Variants in TINF2 observed in about 807,000 individuals in gnomAD.
TINF2 encodes the protein TERF1-interacting nuclear factor 2.
TINF2 carries 27 observed loss-of-function variants against 50.4 expected under a neutral mutation model. That is an observed-to-expected ratio of 0.54 (90% CI 0.40 to 0.74). The LOEUF (loss-of-function observed/expected upper bound fraction) is 0.74, where lower values mean the gene tolerates loss of function less well. Among genes scored for constraint, TINF2 ranks in the 30% least tolerant of loss-of-function variants. The probability of loss-of-function intolerance (pLI) is 0.00; values close to 1 mark genes in which losing one functional copy is unlikely to be tolerated. For synonymous variants in TINF2, 223 were observed against 214.6 expected (o/e 1.04, Z -0.34); for missense variants, 496 against 551.5 (o/e 0.90, Z 1.01).
chr14:24,241,747 C>T lies in TINF2; in HGVS notation c.327G>A (p.Glu109=). Reference sequence around the variant, plus strand: ...CCTGCTGGTAAAAAGTTTCCTGTGCCTCCAAAATCTTCCTCAGATCCTGCT... The same window carrying T: ...CCTGCTGGTAAAAAGTTTCCTGTGCTTCCAAAATCTTCCTCAGATCCTGCT... ...ATKQDLRKIL[E]AQETFYQQVK... is the part of the protein sequence containing the mutation. Residue 109 remains glutamate, a synonymous_variant, in exon 3 of 9, where the codon GAG becomes GAA. Transcript: ENST00000267415. 6.2e-7 allele frequency: 1 copy of T among 1,613,764 alleles called. No homozygotes were observed. The highest frequency in any genetic ancestry group is 8.5e-7 in the Non-Finnish European group (1 of 1,179,868).
chr14:24,240,165 G>A lies in TINF2; in HGVS notation c.1130-10C>T, dbSNP rs762697610. 4 of 1,614,012 alleles carry A rather than the reference G, an allele frequency of 2.5e-6. No homozygotes were observed. The Admixed American group carries it at 5.0e-5, about 20-fold the overall frequency. ...AGAGACGGAGGACACACTGTAGGAG[G>A]GAAACCAGAATCAAACTACTACTTC... On this transcript the variant is annotated splice_polypyrimidine_tract_variant and intron_variant, in intron 7 of 8. Coordinates refer to ENST00000267415, the MANE Select transcript of TINF2 (RefSeq NM_001099274.3).
Position 24,241,217 on chromosome 14 carries a change from G to A in TINF2, c.494C>T (p.Pro165Leu), listed in dbSNP as rs755449636. ...LCQLEKALPT[P>L]QAQQLQDVLS... The stretch of plus-strand genomic sequence containing the variant: ...CCCCAGCGAAACCTGCTGTGCCTGC[G>A]GTGTAGGCAGTGCTTTCTCCAGCTG... The change falls in exon 4 of 9, where the codon CCG (proline) becomes CTG (leucine). Residue 165 changes from proline (P) to leucine (L), a missense_variant. By Grantham distance (98) the Pro-to-Leu change is moderately conservative (BLOSUM62 -3). Transcript: ENST00000267415. The A allele has an allele frequency of 6.8e-6, 11 of 1,613,992 alleles. No homozygotes were observed. Among genetic ancestry groups the A allele is most frequent in the African/African-American group, 2.7e-5 (2 of 74,890 alleles).
chr14:24,240,911 A>C (rs1303741806), intron 5 of TINF2, 36 bp from the exon 6 acceptor site: 1 of 1,614,024 alleles, frequency 6.2e-7, no homozygotes, highest in Non-Finnish European at 8.5e-7. Flanking sequence ...TAAAGAGAAC[A>C]GATAGTAACA....
chr14:24,240,190 C>T, intron 7 of TINF2, 35 bp from the exon 8 acceptor site: 1 of 1,614,062 alleles, frequency 6.2e-7, no homozygotes, highest in Non-Finnish European at 8.5e-7. Context: ...ACTACTACTT[C>T]TAGATGAACA....
chr14:24,242,562 T>TC lies in TINF2; in HGVS notation c.-231dup, dbSNP rs1326756658. On this transcript the variant is annotated 5_prime_UTR_variant, in exon 1 of 9. Transcript: ENST00000267415. ...AGCCTGAGTGGAGAAGCTGACCGTC[T>TC]CCAGTGGCACTGGGTCGCTCAGCTT... The TC allele has an allele frequency of 7.2e-7, 1 of 1,398,348 alleles. No individual in the cohort carries two copies. The allele number at this position is 1,398,348 out of a possible 1,614,324, so 86.6% of individuals were successfully genotyped here.
rs201825289 is a variant in TINF2 at position 24,242,025 on chromosome 14, T to A, written c.193-31A>T. On this transcript the variant is annotated intron_variant, in intron 1 of 8. Coordinates refer to ENST00000267415, the MANE Select transcript of TINF2 (RefSeq NM_001099274.3). ...CGGTACTGAATTCAGAATCCCCACT[T>A]CGGGGCAAGCTGACCTTTTCCAACT... 2.5e-6 allele frequency: 4 copies of A among 1,614,156 alleles called. No homozygotes were observed. The South Asian group carries it at 4.4e-5, about 18-fold the overall frequency.
At chr14:24,241,846 A>T in intron 2 of TINF2, 44 bp downstream of exon 2, 1 of 1,613,320 alleles carries the variant, frequency 6.2e-7, no homozygotes, top group South Asian at 1.1e-5. Flanking sequence ...ACTTTGCTGC[A>T]CCAAGTGTAA....
chr14:24,240,986 C>T (rs1231775427), intron 5 of TINF2, 34 bp downstream of exon 5: 1 of 1,614,022 alleles, frequency 6.2e-7, no homozygotes, highest in Admixed American at 1.7e-5. Flanking sequence ...CAAAAGGTCT[C>T]AGGCTAAACA....
At position 24,242,001 on chromosome 14, in the gene TINF2, G is replaced by C. The variant is rs201651916; in HGVS notation, c.193-7C>G. 3.7e-6 allele frequency: 6 copies of C among 1,614,086 alleles called. No homozygotes were observed. The highest frequency in any genetic ancestry group is 1.3e-5 in the African/African-American group (1 of 74,934). On this transcript the variant is annotated splice_region_variant and splice_polypyrimidine_tract_variant and intron_variant, in intron 1 of 8. Transcript: ENST00000267415. ...GGATCAGCTCCACCACCACCTGTACGGTACTGAATTCAGAATCCCCACTTC... is the reference window on the plus strand; with the variant it reads ...GGATCAGCTCCACCACCACCTGTACCGTACTGAATTCAGAATCCCCACTTC...
At chr14:24,240,988 G>C (rs779544861) in intron 5 of TINF2, 32 bp downstream of exon 5, 1 of 1,614,070 alleles carries the variant, frequency 6.2e-7, no homozygotes, top group Admixed American at 1.7e-5. Flanking sequence ...AAAGGTCTCA[G>C]GCTAAACACT....
chr14:24,241,166 C>T (rs1233738621), intron 4 of TINF2, 38 bp downstream of exon 4: 5 of 1,613,966 alleles, frequency 3.1e-6, no homozygotes, highest in Non-Finnish European at 4.2e-6. Context: ...AAACAGCCAC[C>T]CCACACTCTG....
Position 24,240,156 on chromosome 14 carries a change from C to A in TINF2, c.1130-1G>T, listed in dbSNP as rs769640244. ...GAGCTGCACAGAGACGGAGGACACA[C>A]TGTAGGAGGGAAACCAGAATCAAAC... On this transcript the variant is annotated splice_acceptor_variant, in intron 7 of 8. Transcript: ENST00000267415. LOFTEE classifies it high-confidence loss of function. 2 of 1,614,050 alleles carry A rather than the reference C, an allele frequency of 1.2e-6. No homozygotes were observed. The highest frequency in any genetic ancestry group is 1.1e-5 in the South Asian group (1 of 91,078).
Position 24,239,735 on chromosome 14 carries a change from A to G in TINF2, c.*62T>C, listed in dbSNP as rs922091300. 1.6e-5 allele frequency: 26 copies of G among 1,613,892 alleles called. No individual in the cohort carries two copies. The highest frequency in any genetic ancestry group is 2.1e-5 in the Non-Finnish European group (25 of 1,179,944). ...AAGCCTGGACTTCCACTTCATTCCT[A>G]CTAAACTACTTGCAGAGCTGAGGAG... On this transcript the variant is annotated 3_prime_UTR_variant, in exon 9 of 9. Coordinates refer to ENST00000267415, the MANE Select transcript of TINF2 (RefSeq NM_001099274.3).
rs2139004940 is a variant in TINF2, at chr14:24,242,530, C to G, written c.-198G>C. On this transcript the variant is annotated 5_prime_UTR_variant, in exon 1 of 9. Coordinates refer to ENST00000267415, the MANE Select transcript of TINF2 (RefSeq NM_001099274.3). Reference sequence around the variant, plus strand: ...GGGGGAGGGGGTCTTCTGGCTCGGGCTGGAGGAGCCTGAGTGGAGAAGCTG... The same window carrying G: ...GGGGGAGGGGGTCTTCTGGCTCGGGGTGGAGGAGCCTGAGTGGAGAAGCTG... The G allele has an allele frequency of 1.4e-6, 2 of 1,423,136 alleles. No homozygotes were observed. Among genetic ancestry groups the G allele is most frequent in the South Asian group, 3.1e-5 (2 of 65,566 alleles). The allele number at this position is 1,423,136 out of a possible 1,614,324, so 88.2% of individuals were successfully genotyped here. A position where few individuals can be genotyped will look rare whatever the true frequency, so the allele number is the denominator to read the frequency against.
At chr14:24,240,004 G>A (rs1251481680) in intron 8 of TINF2, 60 bp downstream of exon 8, 1 of 1,614,152 alleles carries the variant, frequency 6.2e-7, no homozygotes, top group Middle Eastern at 1.6e-4. Context: ...TGAAGCATGT[G>A]GATTTCTCAG....
Position 24,239,865 on chromosome 14 carries a change from G to C in TINF2, c.1288C>G (p.Pro430Ala), listed in dbSNP as rs374776408. ...GGTATGGCACCGTGGCCAGAAGGGG[G>C]TAGGTATTCACAGAGAGTGGGTATC... ...TLIPTLCEYL[P>A]PSGHGAIPVS... The change falls in exon 9 of 9, where the codon CCC (proline) becomes GCC (alanine). Residue 430 changes from proline (P) to alanine (A), a missense_variant. Physicochemically the swap from Pro to Ala is conservative, Grantham distance 27. Around this residue, in one of 3 missense-constraint regions of TINF2, gnomAD observed 179 missense variants for 188.3 expected, o/e 0.95. Transcript: ENST00000267415. The C allele has an allele frequency of 6.2e-7, 1 of 1,614,216 alleles. No homozygotes were observed. The highest frequency in any genetic ancestry group is 1.7e-5 in the Admixed American group (1 of 60,016).
At position 24,241,213 on chromosome 14, in the gene TINF2, C is replaced by T. The variant is rs2040573099; in HGVS notation, c.498G>A (p.Gln166=). The T allele has an allele frequency of 1.2e-6, 2 of 1,614,060 alleles. No homozygotes were observed. Among genetic ancestry groups the T allele is most frequent in the South Asian group, 2.2e-5 (2 of 91,092 alleles). The change falls in exon 4 of 9, where the codon CAG becomes CAA. Residue 166 remains glutamine (Q), a synonymous_variant. Transcript: ENST00000267415. ...TTTGCCCCAGCGAAACCTGCTGTGC[C>T]TGCGGTGTAGGCAGTGCTTTCTCCA... ...CQLEKALPTP[Q]AQQLQDVLSW... is the part of the protein sequence containing the mutation.
intron 5 of TINF2, 25 bp downstream of exon 5, chr14:24,240,995 C>G: frequency 6.2e-7 from 1 of 1,614,120 alleles, no homozygotes; most frequent in Non-Finnish European, 8.5e-7. Context: ...TCAGGCTAAA[C>G]ACTACACCTC....
In TINF2 at chr14:24,240,504, C is replaced by T. The variant is rs2040549537; in HGVS notation, c.976G>A (p.Gly326Arg). The stretch of plus-strand genomic sequence containing the variant: ...GTCTGGCATGGACTCTTAGACTTCC[C>T]AGTGGAGGCTGCTCTTGTGCCCATG... ...LAMGTRAAST[G>R]KSKSPCQTLG... Residue 326 changes from glycine (G) to arginine (R), a missense_variant, in exon 6 of 9, where the codon GGG (glycine) becomes AGG (arginine). Physicochemically the swap from Gly to Arg is moderately radical, Grantham distance 125 (BLOSUM62 -2). This residue lies in a region of TINF2 where 179 missense variants were observed against 188.3 expected (regional missense o/e 0.95). Coordinates refer to ENST00000267415, the MANE Select transcript of TINF2 (RefSeq NM_001099274.3). The T allele has an allele frequency of 6.2e-7, 1 of 1,614,076 alleles. No individual in the cohort carries two copies. Among genetic ancestry groups the T allele is most frequent in the African/African-American group, 1.3e-5 (1 of 74,930 alleles).
Sources: allele counts gnomAD v4.1 joint callset, GRCh38; gene constraint gnomAD v4.1.1; regional missense constraint gnomAD v4.1.1; transcripts MANE v1.5; gene names NCBI Gene and HGNC (gene_info 2026-07-23, HGNC 2026-07-21).